PCDHGB3: variants seen among roughly 807,000 people sequenced by gnomAD.
PCDHGB3 encodes the protein protocadherin gamma-B3.
PCDHGB3 carries 40 observed loss-of-function variants against 59.2 expected under a neutral mutation model. The observed-to-expected ratio is 0.68, with a 90% CI of 0.52 to 0.88. The LOEUF is 0.88. Ranked by LOEUF, PCDHGB3 falls within the 40% of genes least tolerant of loss-of-function variation. The pLI, the probability that PCDHGB3 is intolerant of heterozygous loss-of-function variation, is 0.00. For synonymous variants in PCDHGB3, 581 were observed against 503.6 expected (o/e 1.15, Z -2.06); for missense variants, 1,309 against 1,187.9 (o/e 1.10, Z -1.50).
At position 141,477,146 on chromosome 5, in the gene PCDHGB3, G is replaced by A. The variant is rs1447966302; in HGVS notation, c.2416-17661G>A. The stretch of plus-strand genomic sequence containing the variant: ...TTGCAAAGTGTTGGTGGAGGTTGTG[G>A]ATGTGAATGACAACGCCCCGGAGAT... On this transcript the variant is annotated intron_variant, in intron 1 of 3. Coordinates refer to ENST00000576222, the MANE Select transcript of PCDHGB3 (RefSeq NM_018924.5). This position sits in a 1 kb window ranked among gnomAD's most constrained non-coding sequence, Gnocchi z 4.9. 1 of 1,614,182 alleles carries A rather than the reference G, an allele frequency of 6.2e-7. No homozygotes were observed. The highest frequency in any genetic ancestry group is 8.5e-7 in the Non-Finnish European group (1 of 1,180,044).
intron 1 of PCDHGB3, chr5:141,420,067 A>C (rs2096463342): frequency 6.2e-7 from 1 of 1,614,034 alleles, no homozygotes; most frequent in Non-Finnish European, 8.5e-7. Flanking sequence ...CCAAGTCCGG[A>C]CCTGTGGGTC....
rs1416755901 is a variant in PCDHGB3 at position 141,489,721 on chromosome 5, G to C, written c.2416-5086G>C. The C allele has an allele frequency of 6.2e-7, 1 of 1,614,016 alleles. No homozygotes were observed. The highest frequency in any genetic ancestry group is 8.5e-7 in the Non-Finnish European group (1 of 1,179,966). On this transcript the variant is annotated intron_variant, in intron 1 of 3. Coordinates refer to ENST00000576222, the MANE Select transcript of PCDHGB3 (RefSeq NM_018924.5). The surrounding 1 kb of genome is among the most constrained non-coding windows in gnomAD (Gnocchi z 4.5). ...CCCACTGGACAGTGCCCAGGATCCGGATGTGGGCACCAATACTGTGAGCTT... is the reference window on the plus strand; with the variant it reads ...CCCACTGGACAGTGCCCAGGATCCGCATGTGGGCACCAATACTGTGAGCTT...
At chr5:141,404,875 C>A in intron 1 of PCDHGB3, 1 of 1,613,904 alleles carries the variant, frequency 6.2e-7, no homozygotes, top group Non-Finnish European at 8.5e-7. Context: ...TCAAACAGAG[C>A]CTTGTGGTGG....
intron 1 of PCDHGB3, chr5:141,389,471 A>G: frequency 6.2e-7 from 1 of 1,613,210 alleles, no homozygotes; most frequent in Non-Finnish European, 8.5e-7. Flanking sequence ...TCGAACTCAC[A>G]CTGCAGGCCC....
intron 1 of PCDHGB3, chr5:141,394,998 G>C: frequency 2.5e-6 from 4 of 1,614,010 alleles, no homozygotes; most frequent in Non-Finnish European, 3.4e-6. Context: ...CCAGGATTCC[G>C]GTGGCAGATT....
chr5:141,400,491 T>A, intron 1 of PCDHGB3: 1 of 1,614,080 alleles, frequency 6.2e-7, no homozygotes, highest in Non-Finnish European at 8.5e-7. Flanking sequence ...TTCCACTTTG[T>A]AATTCCAGCG....
chr5:141,417,550 A>G, intron 1 of PCDHGB3: 1 of 326,094 alleles, frequency 3.1e-6, no homozygotes, highest in Non-Finnish European at 5.5e-6. Flanking sequence ...ATTCCTTGAA[A>G]GAGGTAGAGA....
rs2090285300 is a variant in PCDHGB3 at position 141,385,561 on chromosome 5, TC to T, written c.2415+12754del. On this transcript the variant is annotated intron_variant, in intron 1 of 3. Coordinates refer to ENST00000576222, the MANE Select transcript of PCDHGB3 (RefSeq NM_018924.5). ...ATGTGGACTATCACATTTTATAATT[TC>T]CACCTACTTTCCAATCTATGTTCCA... The T allele has an allele frequency of 1.2e-5, 16 of 1,309,040 alleles. No homozygotes were observed. In the South Asian group the frequency reaches 3.4e-4, roughly 28 times the overall value. 81.1% of individuals were successfully genotyped at this position (1,309,040 alleles called of 1,614,324 possible).
chr5:141,388,225 T>C, intron 1 of PCDHGB3: 1 of 1,604,858 alleles, frequency 6.2e-7, no homozygotes, highest in Non-Finnish European at 8.5e-7. Flanking sequence ...GAAAATCCAC[T>C]GAACTTTTAT....
At chr5:141,398,573 G>A (rs561224063) in intron 1 of PCDHGB3, 39 of 1,613,870 alleles carry the variant, frequency 2.4e-5, no homozygotes, top group Non-Finnish European at 3.1e-5. Flanking sequence ...GCACAGCCTG[G>A]CACAAGATTT....
At chr5:141,382,819 G>A in intron 1 of PCDHGB3, 2 of 1,297,966 alleles carry the variant, frequency 1.5e-6, no homozygotes, top group Non-Finnish European at 2.1e-6. Context: ...CCCTTCCTAA[G>A]ACAGAGGGGT....
At position 141,486,931 on chromosome 5, in the gene PCDHGB3, T is replaced by C. The variant is rs201042803; in HGVS notation, c.2416-7876T>C. 2 of 1,614,258 alleles carry C rather than the reference T, an allele frequency of 1.2e-6. No homozygotes were observed. Among genetic ancestry groups the C allele is most frequent in the East Asian group, 2.2e-5 (1 of 44,876 alleles). ...AAGCACTGCCTCCATCAGTTGGTGC[T>C]GGCCACCTAATCACAAAGGTGACTG... On this transcript the variant is annotated intron_variant, in intron 1 of 3. Coordinates refer to ENST00000576222, the MANE Select transcript of PCDHGB3 (RefSeq NM_018924.5). This position sits in a 1 kb window ranked among gnomAD's most constrained non-coding sequence, Gnocchi z 5.0.
intron 1 of PCDHGB3, among the ~76,000 whole-genome samples, chr5:141,407,629 G>A (rs1025838649): frequency 1.3e-5 from 2 of 151,940 alleles, no homozygotes; most frequent in African/African-American, 4.8e-5. Context: ...TCTATATCTC[G>A]TATTACTTAA....
Position 141,489,690 on chromosome 5 carries a change from A to T in PCDHGB3, c.2416-5117A>T. The T allele has an allele frequency of 6.2e-7, 1 of 1,614,198 alleles. No individual in the cohort carries two copies. The highest frequency in any genetic ancestry group is 8.5e-7 in the Non-Finnish European group (1 of 1,180,024). ...TCTCAGAATCAGCAGCATCTGGGGC[A>T]CGATTCCCACTGGACAGTGCCCAGG... On this transcript the variant is annotated intron_variant, in intron 1 of 3. Coordinates refer to ENST00000576222, the MANE Select transcript of PCDHGB3 (RefSeq NM_018924.5). The surrounding 1 kb of genome is among the most constrained non-coding windows in gnomAD (Gnocchi z 4.5).
chr5:141,461,429 T>A lies in PCDHGB3; in HGVS notation c.2416-33378T>A, dbSNP rs193056679. On this transcript the variant is annotated intron_variant, in intron 1 of 3. Coordinates refer to ENST00000576222, the MANE Select transcript of PCDHGB3 (RefSeq NM_018924.5). The stretch of plus-strand genomic sequence containing the variant: ...TTTTCATATGTTTGTGGGCCATTTG[T>A]ATACCTTCTTTTGAGAAATGGCTAT... Among the ~76,000 whole-genome samples the A allele has an allele frequency of 5.6e-4, 85 of 152,328 alleles. 1 individual carries two copies. The highest frequency in any genetic ancestry group is 1.5e-3 in the African/African-American group (64 of 41,580).
rs368105487 is a variant in PCDHGB3 at position 141,489,478 on chromosome 5, A to G, written c.2416-5329A>G. On this transcript the variant is annotated intron_variant, in intron 1 of 3. Transcript: ENST00000576222. This position sits in a 1 kb window ranked among gnomAD's most constrained non-coding sequence, Gnocchi z 4.5. Reference sequence around the variant, plus strand: ...TGGGCGCTATTTTTCCCTGAGCTTGATGAGTGGTGCCCTGGCAGTGAATCA... The same window carrying G: ...TGGGCGCTATTTTTCCCTGAGCTTGGTGAGTGGTGCCCTGGCAGTGAATCA... The G allele has an allele frequency of 1.1e-5, 18 of 1,613,956 alleles. No individual in the cohort carries two copies. The highest frequency in any genetic ancestry group is 1.5e-5 in the Non-Finnish European group (18 of 1,180,030).
rs376001893 is a variant in PCDHGB3 at position 141,388,827 on chromosome 5, A to G, written c.2415+16018A>G. ...TTTTGAAGAAGTCAAAGAATATTCC[A>G]TAGTTTTGGAAGCAAGGGACGGTGG... On this transcript the variant is annotated intron_variant, in intron 1 of 3. Coordinates refer to ENST00000576222, the MANE Select transcript of PCDHGB3 (RefSeq NM_018924.5). The G allele has an allele frequency of 9.9e-6, 16 of 1,614,024 alleles. No homozygotes were observed. The African/African-American group carries it at 1.7e-4, about 17-fold the overall frequency.
chr5:141,406,258 G>A (rs895877034), intron 1 of PCDHGB3, among the ~76,000 whole-genome samples: 2 of 151,882 alleles, frequency 1.3e-5, no homozygotes, highest in African/African-American at 4.8e-5. Context: ...GGTCTCAAAC[G>A]ATCTTCCTGC....
At chr5:141,474,745 C>T (rs935430941) in intron 1 of PCDHGB3, among the ~76,000 whole-genome samples, 2 of 152,174 alleles carry the variant, frequency 1.3e-5, no homozygotes, top group East Asian at 3.9e-4. Context: ...AAGTGATGTC[C>T]AAGACAAATA....
Sources: allele counts gnomAD v4.1 joint callset (sites outside exome capture counted in the v4.1 genomes callset), GRCh38; gene constraint gnomAD v4.1.1; non-coding constraint Gnocchi (gnomAD v3.1); transcripts MANE v1.5; gene names NCBI Gene and HGNC (gene_info 2026-07-23, HGNC 2026-07-21).